The following APBB2 variants were observed in gnomAD, a reference collection of about 807,000 sequenced individuals.
The protein encoded by APBB2 is amyloid beta precursor protein binding family B member 2.
Under a neutral mutation model 82.5 loss-of-function variants are expected in APBB2, and 38 were observed. The ratio of observed to expected loss-of-function variants is 0.46; its 90% confidence interval spans 0.36 to 0.60. APBB2 has a LOEUF of 0.60. Ranked by LOEUF, APBB2 falls within the 20% of genes least tolerant of loss-of-function variation. The pLI is 0.00. For missense variants in APBB2, 772 were observed against 972.3 expected (o/e 0.79, Z 2.74); for synonymous variants, 341 against 368.2 (o/e 0.93, Z 0.85).
At chr4:40,913,326 T>C (rs1344657886) in intron 10 of APBB2, among the ~76,000 whole-genome samples, 1 of 152,212 alleles carries the variant, frequency 6.6e-6, no homozygotes. Flanking sequence ...AACAAGTGTA[T>C]GGTTTTTAAC....
intron 5 of APBB2, among the ~76,000 whole-genome samples, chr4:41,027,747 C>G (rs1189093486): frequency 3.4e-5 from 5 of 147,818 alleles, no homozygotes; most frequent in Admixed American, 3.3e-4. Flanking sequence ...CAGCAGTGAA[C>G]AAAATAAGCA....
At chr4:41,040,338 C>A (rs895641119) in intron 4 of APBB2, among the ~76,000 whole-genome samples, 5 of 152,160 alleles carry the variant, frequency 3.3e-5, no homozygotes, top group African/African-American at 1.2e-4. Context: ...AGCCTTATTT[C>A]CAGATCTATA....
intron 2 of APBB2, among the ~76,000 whole-genome samples, chr4:41,133,801 G>T (rs1305691602): frequency 6.6e-6 from 1 of 152,094 alleles, no homozygotes; most frequent in East Asian, 1.9e-4. Flanking sequence ...GCAGAGTAAG[G>T]GGGAGGGGAA....
intron 3 of APBB2, among the ~76,000 whole-genome samples, chr4:41,074,711 G>A (rs570016084): frequency 2.6e-5 from 4 of 151,174 alleles, no homozygotes; most frequent in South Asian, 4.2e-4. Flanking sequence ...CCGGGTTCAC[G>A]CCATTCTCCT....
At chr4:40,875,954 A>T (rs180985027) in intron 12 of APBB2, among the ~76,000 whole-genome samples, 3 of 152,232 alleles carry the variant, frequency 2.0e-5, no homozygotes, top group Admixed American at 6.5e-5. Flanking sequence ...CAACTGTTTT[A>T]TTAGGCTGTG....
chr4:41,031,187 T>C lies in APBB2; in HGVS notation c.19+2049A>G, dbSNP rs555612785. Among the ~76,000 whole-genome samples, 6 of 152,300 alleles carry C rather than the reference T, an allele frequency of 3.9e-5. No homozygotes were observed. The South Asian group carries it at 6.2e-4, about 16-fold the overall frequency. On this transcript the variant is annotated intron_variant, in intron 5 of 17. Transcript: ENST00000508593. ...TTGCAGTGAACCAAGATTGTGCCACTGCACTCCAGCCTGGGTGTCAGAGCA... is the reference window on the plus strand; with the variant it reads ...TTGCAGTGAACCAAGATTGTGCCACCGCACTCCAGCCTGGGTGTCAGAGCA...
intron 3 of APBB2, among the ~76,000 whole-genome samples, chr4:41,099,666 G>A (rs1289264540): frequency 6.6e-6 from 1 of 151,908 alleles, no homozygotes; most frequent in African/African-American, 2.4e-5. Context: ...TGCTTTCATA[G>A]AACTAAAGCA....
At chr4:41,075,315 C>A (rs560065457) in intron 3 of APBB2, among the ~76,000 whole-genome samples, 1 of 152,060 alleles carries the variant, frequency 6.6e-6, no homozygotes, top group African/African-American at 2.4e-5. Context: ...TTTAATAAAT[C>A]AGTTGTTATT....
intron 4 of APBB2, among the ~76,000 whole-genome samples, chr4:41,036,065 G>C (rs1248787304): frequency 2.0e-5 from 3 of 152,126 alleles, no homozygotes; most frequent in Non-Finnish European, 4.4e-5. Flanking sequence ...GGCTGAGGTG[G>C]AAGGATCACT....
chr4:41,092,573 C>T (rs1398967667), intron 3 of APBB2, among the ~76,000 whole-genome samples: 2 of 151,840 alleles, frequency 1.3e-5, no homozygotes, highest in African/African-American at 4.8e-5. Flanking sequence ...TGTGTACTCG[C>T]AGCTACTCGG....
intron 6 of APBB2, among the ~76,000 whole-genome samples, chr4:40,984,780 G>A (rs1799969719): frequency 6.6e-6 from 1 of 152,158 alleles, no homozygotes; most frequent in Non-Finnish European, 1.5e-5. Context: ...TAAAGAGGCT[G>A]ACATACCCCA....
At chr4:41,089,308 C>T (rs1314455890) in intron 3 of APBB2, among the ~76,000 whole-genome samples, 1 of 152,224 alleles carries the variant, frequency 6.6e-6, no homozygotes, top group Non-Finnish European at 1.5e-5. Context: ...TATATAATTA[C>T]CAGTTAATCA....
At chr4:40,914,951 G>C (rs1403698438) in intron 10 of APBB2, among the ~76,000 whole-genome samples, 1 of 152,170 alleles carries the variant, frequency 6.6e-6, no homozygotes, top group Non-Finnish European at 1.5e-5. Context: ...GAACCTTCAG[G>C]ATGTCACCTG....
At chr4:41,023,227 G>A (rs1280036866) in intron 5 of APBB2, among the ~76,000 whole-genome samples, 1 of 152,174 alleles carries the variant, frequency 6.6e-6, no homozygotes, top group African/African-American at 2.4e-5. Context: ...AAAAGCATCA[G>A]GCATATTGTT....
At chr4:41,212,707 G>A (rs568493703) in intron 1 of APBB2, among the ~76,000 whole-genome samples, 1 of 152,268 alleles carries the variant, frequency 6.6e-6, no homozygotes, top group Non-Finnish European at 1.5e-5. Flanking sequence ...TACAGTACAT[G>A]GACAACGAAA....
intron 15 of APBB2, among the ~76,000 whole-genome samples, chr4:40,824,232 G>T (rs1242145189): frequency 2.0e-5 from 3 of 152,054 alleles, no homozygotes; most frequent in South Asian, 2.1e-4. Flanking sequence ...AAGCTCCGGG[G>T]ACCTGGTGCC....
chr4:41,086,096 C>T (rs1034352494), intron 3 of APBB2, among the ~76,000 whole-genome samples: 1 of 152,012 alleles, frequency 6.6e-6, no homozygotes, highest in African/African-American at 2.4e-5. Context: ...AATTCCTAAA[C>T]ACAAAACTTA....
At chr4:40,887,908 T>C (rs1770792218) in intron 12 of APBB2, among the ~76,000 whole-genome samples, 2 of 152,170 alleles carry the variant, frequency 1.3e-5, no homozygotes, top group Non-Finnish European at 2.9e-5. Flanking sequence ...ACCAAGGCAA[T>C]GTAACCTAAT....
chr4:41,208,408 T>C (rs6839958), intron 1 of APBB2, among the ~76,000 whole-genome samples: 62,438 of 151,900 alleles, frequency 0.41, 13,220 homozygotes, highest in African/African-American at 0.49. Flanking sequence ...ATTACAGGCG[T>C]GTGCCACCAT....
Sources: gnomAD v4.1 joint callset for allele counts (sites outside exome capture counted in the v4.1 genomes callset) on GRCh38, gnomAD v4.1.1 for gene constraint, MANE v1.5 for transcripts, NCBI Gene and HGNC (gene_info 2026-07-23, HGNC 2026-07-21) for gene names.